GGACT: variants seen among roughly 807,000 people sequenced by gnomAD.
GGACT encodes the protein gamma-glutamylaminecyclotransferase.
For missense variants in GGACT, 241 were observed against 233.2 expected (o/e 1.03, Z -0.22); for synonymous variants, 118 against 115.3 (o/e 1.02, Z -0.15).
intron 1 of GGACT, 132 bp from the exon 2 acceptor site, chr13:100,584,129 G>A (rs1875497154): frequency 6.6e-6 from 1 of 152,064 alleles, no homozygotes; most frequent in African/African-American, 2.4e-5. Context: ...ACATACCCAG[G>A]GAAGGAATAT....
chr13:100,578,289 T>A (rs1053657583), intron 2 of GGACT, among the ~76,000 whole-genome samples: 2 of 152,254 alleles, frequency 1.3e-5, no homozygotes, highest in African/African-American at 4.8e-5. Flanking sequence ...ATTCTGCCAA[T>A]ATTGTTTTTA....
At chr13:100,562,795 C>G (rs1325582172) in intron 2 of GGACT, among the ~76,000 whole-genome samples, 1 of 123,578 alleles carries the variant, frequency 8.1e-6, no homozygotes, top group Non-Finnish European at 1.7e-5. Context: ...GACAATGTCT[C>G]AAAAAAAAAA....
At chr13:100,574,474 G>C (rs1366400465) in intron 2 of GGACT, among the ~76,000 whole-genome samples, 1 of 152,154 alleles carries the variant, frequency 6.6e-6, no homozygotes, top group Non-Finnish European at 1.5e-5. Flanking sequence ...TACTCAAGAG[G>C]CTGAGGCAGA....
At chr13:100,562,273 C>T (rs1057258711) in intron 2 of GGACT, among the ~76,000 whole-genome samples, 2 of 152,144 alleles carry the variant, frequency 1.3e-5, no homozygotes, top group African/African-American at 4.8e-5. Context: ...CGGTGAAGGG[C>T]TAAGACTTGA....
At chr13:100,579,863 G>A (rs1456488027) in intron 2 of GGACT, among the ~76,000 whole-genome samples, 2 of 152,200 alleles carry the variant, frequency 1.3e-5, no homozygotes, top group Admixed American at 6.5e-5. Context: ...TCATTGGGGT[G>A]TCAGCCATGA....
chr13:100,556,612 G>C (rs1405719979), intron 2 of GGACT, among the ~76,000 whole-genome samples: 1 of 151,586 alleles, frequency 6.6e-6, no homozygotes, highest in Non-Finnish European at 1.5e-5. Context: ...TGTAGAAATT[G>C]ATGAGCTAAT....
chr13:100,534,838 A>G lies in GGACT; in HGVS notation c.-10-2237T>C, dbSNP rs1184552205. Among the ~76,000 whole-genome samples the G allele has an allele frequency of 6.6e-6, 1 of 151,998 alleles. No individual in the cohort carries two copies. The highest frequency in any genetic ancestry group is 6.6e-5 in the Admixed American group (1 of 15,258). On this transcript the variant is annotated intron_variant, in intron 2 of 2. Transcript: ENST00000683975. The surrounding 1 kb of genome is among the most constrained non-coding windows in gnomAD (Gnocchi z 4.9). The stretch of plus-strand genomic sequence containing the variant: ...AGGGTCCTTGTCAATCTCCTGCTGC[A>G]GACTTAACTCTCCCACCTCATCTCC...
At chr13:100,532,698 C>T (rs905724081) in intron 2 of GGACT, 97 bp from the exon 3 acceptor site, 2 of 934,684 alleles carry the variant, frequency 2.1e-6, no homozygotes, top group Admixed American at 5.5e-5. Flanking sequence ...CCACTGGGGC[C>T]GCACCACCTG....
chr13:100,588,552 C>T (rs1247134763), intron 1 of GGACT, 189 bp downstream of exon 1: 1 of 152,114 alleles, frequency 6.6e-6, no homozygotes, highest in African/African-American at 2.4e-5. Flanking sequence ...CGTCCCCTCC[C>T]TCCGGCTGGC....
chr13:100,588,150 G>C (rs867054662), intron 1 of GGACT, among the ~76,000 whole-genome samples: 2 of 152,214 alleles, frequency 1.3e-5, no homozygotes, highest in South Asian at 4.1e-4. Flanking sequence ...TTGTGGCGTT[G>C]TCCTTGGCCC....
At chr13:100,578,050 T>TTTCC (rs1875305276) in intron 2 of GGACT, among the ~76,000 whole-genome samples, 1 of 152,220 alleles carries the variant, frequency 6.6e-6, no homozygotes, top group Non-Finnish European at 1.5e-5. Context: ...GGGAAATGGA[T>TTTCC]GTTTTCTAAG....
In GGACT at chr13:100,534,133, G is replaced by A. The variant is rs1296227986; in HGVS notation, c.-10-1532C>T. Among the ~76,000 whole-genome samples the A allele has an allele frequency of 6.6e-6, 1 of 152,190 alleles. No homozygotes were observed. Among genetic ancestry groups the A allele is most frequent in the African/African-American group, 2.4e-5 (1 of 41,432 alleles). On this transcript the variant is annotated intron_variant, in intron 2 of 2. Coordinates refer to ENST00000683975, the MANE Select transcript of GGACT (RefSeq NM_001195087.2). The surrounding 1 kb of genome is among the most constrained non-coding windows in gnomAD (Gnocchi z 4.9). ...CTTCTCAGCAAACAAGAGCTGCTCTGGGGGGTTCTAGGCCTCATTTTGCTC... is the reference window on the plus strand; with the variant it reads ...CTTCTCAGCAAACAAGAGCTGCTCTAGGGGGTTCTAGGCCTCATTTTGCTC...
chr13:100,541,980 A>G (rs767266147), intron 2 of GGACT, among the ~76,000 whole-genome samples: 5 of 152,216 alleles, frequency 3.3e-5, no homozygotes, highest in Non-Finnish European at 7.3e-5. Flanking sequence ...GGCTTCTGTC[A>G]TAAGAAAAAC....
rs1242770954 is a variant in GGACT, at chr13:100,531,686, T to C, written c.*444A>G. The C allele has an allele frequency of 1.9e-5, 3 of 160,906 alleles. No individual in the cohort carries two copies. Among genetic ancestry groups the C allele is most frequent in the African/African-American group, 7.2e-5 (3 of 41,862 alleles). The allele number at this position is 160,906 out of a possible 1,614,324, so 10.0% of individuals were successfully genotyped here. ...GCATGCTTGCCCTGTGGATCTTTTC[T>C]ACAAATTCTACCCAGCCGTGTAAAA... On this transcript the variant is annotated 3_prime_UTR_variant, in exon 3 of 3. Coordinates refer to ENST00000683975, the MANE Select transcript of GGACT (RefSeq NM_001195087.2).
At position 100,551,209 on chromosome 13, in the gene GGACT, G is replaced by A. The variant is rs373486071; in HGVS notation, c.-10-18608C>T. 6.6e-5 allele frequency among the ~76,000 whole-genome samples: 10 copies of A among 152,162 alleles called. No individual in the cohort carries two copies. The South Asian group carries it at 1.0e-3, about 16-fold the overall frequency. Reference sequence around the variant, plus strand: ...TGAGGCAGGAGAATGGCATGAATCCGGGAGGTGGAGCTTGCAGTGAGCCGA... The same window carrying A: ...TGAGGCAGGAGAATGGCATGAATCCAGGAGGTGGAGCTTGCAGTGAGCCGA... On this transcript the variant is annotated intron_variant, in intron 2 of 2. Coordinates refer to ENST00000683975, the MANE Select transcript of GGACT (RefSeq NM_001195087.2).
At chr13:100,551,156 C>T (rs1362258314) in intron 2 of GGACT, among the ~76,000 whole-genome samples, 1 of 151,866 alleles carries the variant, frequency 6.6e-6, no homozygotes, top group Admixed American at 6.6e-5. Flanking sequence ...TGGTGGCGGG[C>T]GCCTGTGGTC....
chr13:100,532,220 G>T lies in GGACT; in HGVS notation c.372C>A (p.Phe124Leu). The change falls in exon 3 of 3, where the codon TTC (phenylalanine) becomes TTA (leucine). Residue 124 changes from phenylalanine to leucine, a missense_variant. By Grantham distance (22) the Phe-to-Leu change is conservative (BLOSUM62 0). Coordinates refer to ENST00000683975, the MANE Select transcript of GGACT (RefSeq NM_001195087.2). The stretch of plus-strand genomic sequence containing the variant: ...GCGGGAGCTGGGCCCACTCCGGCGG[G>T]AAGGTGGCCCTGCTGTACACGAAGC... ...VQCFVYSRATFPPEWAQLPHH... is the reference protein window; with the variant it reads ...VQCFVYSRATLPPEWAQLPHH... The T allele has an allele frequency of 6.7e-7, 1 of 1,485,188 alleles. No homozygotes were observed. The allele number at this position is 1,485,188 out of a possible 1,614,324, so 92.0% of individuals were successfully genotyped here.
At chr13:100,574,722 G>GAGTA (rs1875198980) in intron 2 of GGACT, among the ~76,000 whole-genome samples, 1 of 152,092 alleles carries the variant, frequency 6.6e-6, no homozygotes, top group Admixed American at 6.6e-5. Flanking sequence ...ATGACCCACT[G>GAGTA]AGTACTATGT....
At chr13:100,577,678 C>T (rs570005438) in intron 2 of GGACT, among the ~76,000 whole-genome samples, 1 of 152,102 alleles carries the variant, frequency 6.6e-6, no homozygotes, top group South Asian at 2.1e-4. Context: ...ATGGCAAAGC[C>T]AGTATGGTGC....
Sources: allele counts gnomAD v4.1 joint callset (sites outside exome capture counted in the v4.1 genomes callset), GRCh38; gene constraint gnomAD v4.1.1; non-coding constraint Gnocchi (gnomAD v3.1); transcripts MANE v1.5; gene names NCBI Gene and HGNC (gene_info 2026-07-23, HGNC 2026-07-21).